Variants in PARN observed in about 807,000 individuals in gnomAD.
The protein encoded by PARN is poly(A)-specific ribonuclease.
PARN carries 71 observed loss-of-function variants against 102.8 expected under a neutral mutation model. The observed-to-expected ratio is 0.69, with a 90% CI of 0.57 to 0.84. The LOEUF is 0.84. Among genes scored for constraint, PARN ranks in the 40% least tolerant of loss-of-function variants. The pLI is 0.00. For missense variants in PARN, 782 were observed against 760.9 expected (o/e 1.03, Z -0.33); for synonymous variants, 261 against 252.9 (o/e 1.03, Z -0.30).
intron 21 of PARN, among the ~76,000 whole-genome samples, chr16:14,525,621 C>T (rs1965955339): frequency 6.6e-6 from 1 of 152,142 alleles, no homozygotes; most frequent in Admixed American, 6.5e-5. Flanking sequence ...TCTTCATTAT[C>T]ACCTACCTGC....
chr16:14,468,970 C>T (rs930413696), intron 22 of PARN, among the ~76,000 whole-genome samples: 1 of 151,076 alleles, frequency 6.6e-6, no homozygotes, highest in Non-Finnish European at 1.5e-5. Context: ...AACAAACAAA[C>T]AAAGAAATAA....
chr16:14,584,093 T>C (rs992892810), intron 16 of PARN, among the ~76,000 whole-genome samples: 13 of 152,198 alleles, frequency 8.5e-5, no homozygotes, highest in Non-Finnish European at 1.3e-4. Flanking sequence ...TATTAGAAAA[T>C]AGAAGCCTTG....
chr16:14,484,908 G>T (rs1240954702), intron 21 of PARN, among the ~76,000 whole-genome samples: 1 of 147,808 alleles, frequency 6.8e-6, no homozygotes, highest in Admixed American at 6.7e-5. Context: ...AAGAGAAAAA[G>T]AAAAAAAAAA....
chr16:14,557,510 T>C (rs1017332953), intron 18 of PARN, among the ~76,000 whole-genome samples: 1 of 130,362 alleles, frequency 7.7e-6, no homozygotes, highest in Non-Finnish European at 1.5e-5. Flanking sequence ...TGAACCGAGA[T>C]AGCAACACTG....
At chr16:14,583,438 T>C (rs1359434829) in intron 16 of PARN, among the ~76,000 whole-genome samples, 1 of 151,874 alleles carries the variant, frequency 6.6e-6, no homozygotes, top group East Asian at 1.9e-4. Context: ...TTGATGCCTT[T>C]AAAAAAAAGC....
intron 22 of PARN, among the ~76,000 whole-genome samples, chr16:14,462,917 G>A (rs2151574811): frequency 6.6e-6 from 1 of 152,322 alleles, no homozygotes; most frequent in East Asian, 1.9e-4. Flanking sequence ...TGAGAGACAG[G>A]AAACTAACGA....
At chr16:14,549,867 T>A (rs1238566690) in intron 21 of PARN, among the ~76,000 whole-genome samples, 2 of 152,214 alleles carry the variant, frequency 1.3e-5, no homozygotes, top group Non-Finnish European at 2.9e-5. Context: ...GCCAAGTAAC[T>A]ATTATCTCCC....
At chr16:14,508,781 G>A (rs1965035003) in intron 21 of PARN, among the ~76,000 whole-genome samples, 1 of 151,098 alleles carries the variant, frequency 6.6e-6, no homozygotes. Context: ...CTCAGGGGGC[G>A]GGGCATGGTG....
chr16:14,499,375 A>G (rs1033849941), intron 21 of PARN, among the ~76,000 whole-genome samples: 1 of 152,204 alleles, frequency 6.6e-6, no homozygotes, highest in Non-Finnish European at 1.5e-5. Context: ...GTGAGCCTGC[A>G]GGGGAATCAG....
intron 21 of PARN, among the ~76,000 whole-genome samples, chr16:14,527,065 T>C (rs1362279613): frequency 6.6e-6 from 1 of 152,234 alleles, no homozygotes; most frequent in African/African-American, 2.4e-5. Flanking sequence ...ATAAAATGTA[T>C]AGAGGTCAAT....
chr16:14,496,208 C>T (rs1000391169), intron 21 of PARN, among the ~76,000 whole-genome samples: 3 of 152,198 alleles, frequency 2.0e-5, no homozygotes, highest in Admixed American at 6.5e-5. Context: ...GCTCCCTGAC[C>T]CTGACGCATG....
intron 21 of PARN, among the ~76,000 whole-genome samples, chr16:14,543,700 C>T (rs977061233): frequency 6.6e-6 from 1 of 151,976 alleles, no homozygotes; most frequent in Non-Finnish European, 1.5e-5. Flanking sequence ...ACAAAAAAGC[C>T]AGCAGAGAAA....
At chr16:14,477,042 G>T (rs1567305649) in intron 22 of PARN, among the ~76,000 whole-genome samples, 2 of 152,178 alleles carry the variant, frequency 1.3e-5, no homozygotes, top group African/African-American at 4.8e-5. Context: ...ATTGCCAGAA[G>T]CAAGAGCCAG....
At chr16:14,497,189 C>T (rs1256051878) in intron 21 of PARN, among the ~76,000 whole-genome samples, 1 of 152,082 alleles carries the variant, frequency 6.6e-6, no homozygotes, top group African/African-American at 2.4e-5. Context: ...CTGGTATCTA[C>T]CAGCATTGAT....
chr16:14,543,488 TA>T (rs1317453125), intron 21 of PARN, among the ~76,000 whole-genome samples: 2 of 152,212 alleles, frequency 1.3e-5, no homozygotes, highest in Non-Finnish European at 2.9e-5. Flanking sequence ...TTCTGGGATT[TA>T]TAATGAATGC....
chr16:14,594,361 A>C (rs528861322), intron 12 of PARN, among the ~76,000 whole-genome samples: 15 of 152,304 alleles, frequency 9.8e-5, no homozygotes, highest in South Asian at 2.1e-4. Context: ...ATAAAAATTA[A>C]ATTTCCAAAA....
chr16:14,628,451 A>G (rs571939745), intron 2 of PARN, among the ~76,000 whole-genome samples, 200 bp from the exon 3 acceptor site: 1 of 152,312 alleles, frequency 6.6e-6, no homozygotes, highest in East Asian at 1.9e-4. Flanking sequence ...AGAGATGCGA[A>G]TGTTTCAACA....
At chr16:14,506,533 G>A (rs1964902973) in intron 21 of PARN, among the ~76,000 whole-genome samples, 1 of 152,176 alleles carries the variant, frequency 6.6e-6, no homozygotes, top group African/African-American at 2.4e-5. Context: ...AAACTGTTAT[G>A]TCTCTGACTC....
intron 13 of PARN, among the ~76,000 whole-genome samples, chr16:14,590,052 A>G (rs1970079714): frequency 2.0e-5 from 3 of 151,648 alleles, no homozygotes; most frequent in Admixed American, 6.6e-5. Context: ...GGAGTTCAAG[A>G]CCAGCCTTGC....
Sources: gnomAD v4.1 joint callset for allele counts (sites outside exome capture counted in the v4.1 genomes callset) on GRCh38, gnomAD v4.1.1 for gene constraint, MANE v1.5 for transcripts, NCBI Gene and HGNC (gene_info 2026-07-23, HGNC 2026-07-21) for gene names.